Variants in RNF150 observed in about 807,000 individuals in gnomAD.
RNF150 encodes the protein ring finger protein 150.
In RNF150, 24 loss-of-function variants were observed where a neutral mutation model predicts 39.3. The ratio of observed to expected loss-of-function variants is 0.61; its 90% CI spans 0.44 to 0.86. The LOEUF is 0.86. RNF150 is among the 40% of genes least tolerant of loss of function. The pLI is 0.00. For synonymous variants in RNF150, 255 were observed against 227.3 expected (o/e 1.12, Z -1.10); for missense variants, 502 against 587.8 (o/e 0.85, Z 1.51).
chr4:141,121,754 C>T (rs1354584532), intron 1 of RNF150, among the ~76,000 whole-genome samples: 4 of 151,868 alleles, frequency 2.6e-5, no homozygotes, highest in Admixed American at 6.6e-5. Context: ...TTATAGTTCT[C>T]GGGAAATTTA....
chr4:141,163,694 C>A (rs1334611050), intron 1 of RNF150, among the ~76,000 whole-genome samples: 2 of 152,228 alleles, frequency 1.3e-5, no homozygotes, highest in Non-Finnish European at 2.9e-5. Context: ...CAAACTCCAG[C>A]AGACCTGTAG....
chr4:141,012,448 A>C lies in RNF150; in HGVS notation c.485-44575T>G, dbSNP rs557024932. ...TGTATGTGTGTTTATCAACTCAGCA[A>C]AATGTAAAAATTCACATGAAAAATG... is the stretch of plus-strand genomic sequence containing the variant. On this transcript the variant is annotated intron_variant, in intron 1 of 6. Coordinates refer to ENST00000515673, the MANE Select transcript of RNF150 (RefSeq NM_020724.2). Among the ~76,000 whole-genome samples the C allele has an allele frequency of 2.0e-5, 3 of 152,344 alleles. 1 individual carries two copies. The South Asian group carries it at 6.2e-4, about 32-fold the overall frequency.
At chr4:140,983,999 C>T (rs549484947) in intron 1 of RNF150, among the ~76,000 whole-genome samples, 4 of 152,208 alleles carry the variant, frequency 2.6e-5, no homozygotes, top group East Asian at 3.9e-4. Context: ...TTTGGCATCC[C>T]AAAGTGCTGA....
intron 6 of RNF150, among the ~76,000 whole-genome samples, chr4:140,888,705 T>C (rs925534567): frequency 3.3e-5 from 5 of 152,224 alleles, no homozygotes; most frequent in Admixed American, 3.3e-4. Context: ...ACAGCTCATG[T>C]AGCAGTCTCT....
At chr4:140,868,745 A>T (rs1164851482) in intron 6 of RNF150, among the ~76,000 whole-genome samples, 1 of 152,202 alleles carries the variant, frequency 6.6e-6, no homozygotes, top group Non-Finnish European at 1.5e-5. Context: ...TAAAATCAAA[A>T]GGCATATCAA....
chr4:141,147,590 A>C (rs1188076125), intron 1 of RNF150, among the ~76,000 whole-genome samples: 2 of 152,226 alleles, frequency 1.3e-5, no homozygotes, highest in Non-Finnish European at 2.9e-5. Flanking sequence ...GTGAAAACAT[A>C]GCAGTCTTGG....
intron 1 of RNF150, among the ~76,000 whole-genome samples, chr4:141,162,710 A>G (rs914754591): frequency 3.9e-5 from 6 of 151,962 alleles, no homozygotes; most frequent in African/African-American, 1.5e-4. Context: ...GGGTCAAGGA[A>G]CTCCATTTCC....
At chr4:141,115,118 A>C (rs1739508651) in intron 1 of RNF150, among the ~76,000 whole-genome samples, 1 of 152,178 alleles carries the variant, frequency 6.6e-6, no homozygotes, top group Admixed American at 6.5e-5. Flanking sequence ...CTCCTATTAA[A>C]CATAGTATTG....
intron 1 of RNF150, among the ~76,000 whole-genome samples, chr4:141,090,114 G>T (rs1738523429): frequency 6.6e-6 from 1 of 152,176 alleles, no homozygotes; most frequent in Non-Finnish European, 1.5e-5. Context: ...GTTAACATGT[G>T]ACTTCTTACT....
At chr4:141,094,660 T>C (rs995765944) in intron 1 of RNF150, among the ~76,000 whole-genome samples, 1 of 152,252 alleles carries the variant, frequency 6.6e-6, no homozygotes, top group African/African-American at 2.4e-5. Context: ...TGGCCGTAGT[T>C]TGCCAGCCCC....
At chr4:141,206,615 T>G (rs1344045261) in intron 1 of RNF150, among the ~76,000 whole-genome samples, 1 of 152,010 alleles carries the variant, frequency 6.6e-6, no homozygotes, top group Admixed American at 6.6e-5. Context: ...AGTTGTGTGA[T>G]TGCCCTAATC....
intron 1 of RNF150, among the ~76,000 whole-genome samples, chr4:141,001,902 T>C (rs1734679858): frequency 6.6e-6 from 1 of 152,160 alleles, no homozygotes; most frequent in East Asian, 1.9e-4. Flanking sequence ...TTAGTAACAA[T>C]TATTTTAAGC....
chr4:141,075,859 T>C lies in RNF150; in HGVS notation c.484+56466A>G, dbSNP rs150597867. Among the ~76,000 whole-genome samples, 473 of 152,270 alleles carry C rather than the reference T, an allele frequency of 3.1e-3. 4 individuals carry two copies. The highest frequency in any genetic ancestry group is 0.011 in the African/African-American group (459 of 41,530). ...ACACATTGGGTACAGTGTACACTGC[T>C]CAGGTGACAGGTGCACCAAAGTCTC... On this transcript the variant is annotated intron_variant, in intron 1 of 6. Transcript: ENST00000515673.
intron 1 of RNF150, among the ~76,000 whole-genome samples, chr4:141,129,675 T>C (rs145383456): frequency 2.6e-5 from 4 of 152,344 alleles, no homozygotes; most frequent in African/African-American, 9.6e-5. Flanking sequence ...GCAAAACTAC[T>C]GGTCTATCCC....
At chr4:140,969,465 T>C (rs1733373337) in intron 1 of RNF150, among the ~76,000 whole-genome samples, 2 of 152,074 alleles carry the variant, frequency 1.3e-5, no homozygotes, top group South Asian at 2.1e-4. Context: ...AATGGCTGCA[T>C]GTGGTCTGAG....
chr4:141,145,740 C>T (rs1287217126), intron 1 of RNF150, among the ~76,000 whole-genome samples: 3 of 152,186 alleles, frequency 2.0e-5, no homozygotes, highest in African/African-American at 7.2e-5. Context: ...ATCAATTGCC[C>T]AGCCCATCTC....
At chr4:140,938,845 C>G (rs916740474) in intron 4 of RNF150, among the ~76,000 whole-genome samples, 5 of 152,096 alleles carry the variant, frequency 3.3e-5, no homozygotes, top group Non-Finnish European at 7.4e-5. Flanking sequence ...GAATATAGTA[C>G]TTAAAGAGTC....
intron 1 of RNF150, among the ~76,000 whole-genome samples, chr4:141,048,408 T>C (rs557862329): frequency 2.0e-5 from 3 of 152,300 alleles, no homozygotes; most frequent in South Asian, 2.1e-4. Flanking sequence ...AAGATCCATC[T>C]TGGCATGCAG....
chr4:141,021,155 G>C (rs1452710246), intron 1 of RNF150, among the ~76,000 whole-genome samples: 3 of 152,144 alleles, frequency 2.0e-5, no homozygotes, highest in African/African-American at 7.2e-5. Context: ...AAGCAGGCCA[G>C]GGTGATCAGA....
Sources: gnomAD v4.1 joint callset for allele counts (sites outside exome capture counted in the v4.1 genomes callset) on GRCh38, gnomAD v4.1.1 for gene constraint, MANE v1.5 for transcripts, NCBI Gene and HGNC (gene_info 2026-07-23, HGNC 2026-07-21) for gene names.